The following ABTB2 variants were observed in gnomAD, a reference collection of about 807,000 sequenced individuals.
The protein encoded by ABTB2 is ankyrin repeat and BTB/POZ domain-containing protein 2.
In ABTB2, 56 loss-of-function variants were observed where a neutral mutation model predicts 104.1. That is an observed-to-expected ratio of 0.54 (90% CI 0.43 to 0.67). ABTB2 has a LOEUF of 0.67. Among genes scored for constraint, ABTB2 ranks in the 30% least tolerant of loss-of-function variants. The pLI is 0.00. For synonymous variants in ABTB2, 606 were observed against 608.2 expected, an observed-to-expected ratio of 1.00 and a Z score of 0.05; for missense variants, 1,279 against 1,407.7, an observed-to-expected ratio of 0.91 and a Z score of 1.46.
intron 1 of ABTB2, among the ~76,000 whole-genome samples, chr11:34,272,723 A>C (rs1350902268): frequency 9.2e-4 from 139 of 150,310 alleles, no homozygotes; most frequent in Admixed American, 1.9e-3. Flanking sequence ...AAAAAAAAAA[A>C]AAAAAAAACC....
chr11:34,168,918 C>T (rs959794666), intron 5 of ABTB2, among the ~76,000 whole-genome samples: 1 of 152,234 alleles, frequency 6.6e-6, no homozygotes. Flanking sequence ...TGCCTGGTGT[C>T]CCGTGATGTT....
intron 3 of ABTB2, among the ~76,000 whole-genome samples, chr11:34,174,296 G>C (rs1208639968): frequency 7.3e-6 from 1 of 137,776 alleles, no homozygotes; most frequent in Admixed American, 7.8e-5. Flanking sequence ...CTGCCCTCCA[G>C]CCTGGGCGAC....
intron 7 of ABTB2, 23 bp from the exon 8 acceptor site, chr11:34,165,379 G>A: frequency 6.4e-7 from 1 of 1,570,132 alleles, no homozygotes; most frequent in Non-Finnish European, 8.6e-7. Context: ...CAGAGGAGGA[G>A]GGCACTGCTC....
At chr11:34,309,490 T>C (rs2133104098) in intron 1 of ABTB2, among the ~76,000 whole-genome samples, 1 of 152,296 alleles carries the variant, frequency 6.6e-6, no homozygotes, top group South Asian at 2.1e-4. Context: ...CCAGAGGCAG[T>C]GCTGGGAGCA....
chr11:34,181,684 G>T (rs73507415), intron 3 of ABTB2, among the ~76,000 whole-genome samples: 2,372 of 152,306 alleles, frequency 0.016, 29 homozygotes, highest in African/African-American at 0.029. Flanking sequence ...ACGTTCTGGG[G>T]TGCAGGCCCG....
chr11:34,256,031 T>C (rs1854118312), intron 1 of ABTB2, among the ~76,000 whole-genome samples: 1 of 152,110 alleles, frequency 6.6e-6, no homozygotes. Flanking sequence ...CAGAACCCAC[T>C]AGGTGGAGAT....
chr11:34,204,679 G>C lies in ABTB2; in HGVS notation c.895C>G (p.Leu299Val), dbSNP rs1308891545. ...CGKNANGVLS[L>V]PAYFSPYNGG... is the part of the protein sequence containing the mutation. ...TTGTAGGGGCTGAAGTATGCGGGGA[G>C]GGAGAGGACACCTATGGGGAAAGAA... is the stretch of plus-strand genomic sequence containing the variant. Residue 299 changes from leucine (L) to valine (V), a missense_variant, in exon 2 of 17, where the codon CTC (leucine) becomes GTC (valine). Transcript: ENST00000435224. 1.9e-6 allele frequency: 3 copies of C among 1,613,222 alleles called. No individual in the cohort carries two copies. The Admixed American group carries it at 5.0e-5, about 27-fold the overall frequency.
At position 34,152,392 on chromosome 11, in the gene ABTB2, C is replaced by G; in HGVS notation, c.3073G>C (p.Val1025Leu). The G allele has an allele frequency of 6.4e-7, 1 of 1,564,304 alleles. No individual in the cohort carries two copies. The highest frequency in any genetic ancestry group is 8.7e-7 in the Non-Finnish European group (1 of 1,155,590). Residue 1025 changes from valine (V) to leucine (L), a missense_variant, in exon 17 of 17, where the codon GTG (valine) becomes CTG (leucine). Physicochemically the swap from Val to Leu is conservative, Grantham distance 32 (BLOSUM62 1). Transcript: ENST00000435224. ...GGCAGCCTCCGCCCCCTGCCTCACA[C>G]CCGGGAGGTGATGTAGACAGAGTGC... ...RVHSVYITSR[V>L]
At chr11:34,222,296 CT>C (rs754294692) in intron 1 of ABTB2, among the ~76,000 whole-genome samples, 2 of 152,178 alleles carry the variant, frequency 1.3e-5, no homozygotes, top group African/African-American at 2.4e-5. Context: ...ATAAATGCTT[CT>C]GCTTAGACTT....
rs766098215 is a variant in ABTB2 at position 34,164,832 on chromosome 11, AGGT to A, written c.1853-14_1853-12del. 1 of 1,587,314 alleles carries A rather than the reference AGGT, an allele frequency of 6.3e-7. No individual in the cohort carries two copies. The highest frequency in any genetic ancestry group is 1.4e-5 in the African/African-American group (1 of 72,928). On this transcript the variant is annotated splice_polypyrimidine_tract_variant and intron_variant, in intron 8 of 16. Transcript: ENST00000435224. ...CCAGCTCATAGTTCCCTGAAAGAGA[AGGT>A]GGGCAGCACGGAGGACACTGAGACA...
chr11:34,245,901 G>A (rs1853978072), intron 1 of ABTB2, among the ~76,000 whole-genome samples: 2 of 152,212 alleles, frequency 1.3e-5, no homozygotes, highest in South Asian at 2.1e-4. Flanking sequence ...GGTAAACTGA[G>A]TAATAAACCC....
chr11:34,293,756 C>T (rs1847398289), intron 1 of ABTB2, among the ~76,000 whole-genome samples: 1 of 151,828 alleles, frequency 6.6e-6, no homozygotes, highest in South Asian at 2.1e-4. Flanking sequence ...ATGGAGTCTT[C>T]CTCTGTCGCC....
intron 1 of ABTB2, among the ~76,000 whole-genome samples, chr11:34,232,411 C>T (rs1253477204): frequency 6.9e-6 from 1 of 143,902 alleles, no homozygotes; most frequent in Non-Finnish European, 1.5e-5. Context: ...GATCGCGCCA[C>T]TGCACTCCAG....
In ABTB2 at chr11:34,252,499, A is replaced by G. The variant is rs183677744; in HGVS notation, c.884-47809T>C. Among the ~76,000 whole-genome samples the G allele has an allele frequency of 3.4e-4, 51 of 152,164 alleles. No homozygotes were observed. Among genetic ancestry groups the G allele is most frequent in the African/African-American group, 1.2e-3 (48 of 41,524 alleles). On this transcript the variant is annotated intron_variant, in intron 1 of 16. Transcript: ENST00000435224. The surrounding 1 kb of genome is among the most constrained non-coding windows in gnomAD (Gnocchi z 5.5). ...CGCTGGGCATGACCCTAAGAGAAAG[A>G]CTAGATTCCTAACCTGTGCTAGGGC...
intron 1 of ABTB2, among the ~76,000 whole-genome samples, chr11:34,206,275 C>T (rs921730724): frequency 1.3e-5 from 2 of 152,022 alleles, no homozygotes; most frequent in Non-Finnish European, 1.5e-5. Flanking sequence ...CCCAGCTACT[C>T]GGGAGGCTGA....
At chr11:34,350,375 C>T (rs1024421077) in intron 1 of ABTB2, among the ~76,000 whole-genome samples, 6 of 152,320 alleles carry the variant, frequency 3.9e-5, no homozygotes, top group Admixed American at 1.3e-4. Context: ...TGAGCTGACC[C>T]GCCCATCCTT....
At chr11:34,212,413 G>A (rs1348676620) in intron 1 of ABTB2, among the ~76,000 whole-genome samples, 3 of 152,202 alleles carry the variant, frequency 2.0e-5, no homozygotes, top group Non-Finnish European at 4.4e-5. Context: ...ACCATGCATT[G>A]AGTAGGTCCT....
intron 1 of ABTB2, among the ~76,000 whole-genome samples, chr11:34,282,550 A>G (rs11821411): frequency 0.057 from 8,705 of 151,922 alleles, 756 homozygotes; most frequent in African/African-American, 0.19. Context: ...TTTTGGAGAC[A>G]GAGTCTCACT....
chr11:34,335,108 T>C (rs1855177900), intron 1 of ABTB2: 2 of 1,138,784 alleles, frequency 1.8e-6, no homozygotes, highest in African/African-American at 1.5e-5. Flanking sequence ...TGAATGGACA[T>C]TTCCGCTAAT....
Sources: allele counts gnomAD v4.1 joint callset (sites outside exome capture counted in the v4.1 genomes callset), GRCh38; gene constraint gnomAD v4.1.1; non-coding constraint Gnocchi (gnomAD v3.1); transcripts MANE v1.5; gene names NCBI Gene and HGNC (gene_info 2026-07-23, HGNC 2026-07-21).